The following TBC1D22A variants were observed in gnomAD, a reference collection of about 807,000 sequenced individuals.
The protein encoded by TBC1D22A is putative GTPase activator.
In TBC1D22A, 38 loss-of-function variants were observed where a neutral mutation model predicts 60.2. That is an observed-to-expected ratio of 0.63 (90% CI 0.49 to 0.83). The LOEUF (loss-of-function observed/expected upper bound fraction) is 0.83, where lower values mean the gene tolerates loss of function less well. Ranked by LOEUF, TBC1D22A falls within the 40% of genes least tolerant of loss-of-function variation. The pLI, the probability that TBC1D22A is intolerant of heterozygous loss-of-function variation, is 0.00. For missense variants in TBC1D22A, 628 were observed against 701.0 expected (o/e 0.90, Z 1.18); for synonymous variants, 302 against 281.7 (o/e 1.07, Z -0.72).
At chr22:47,064,469 G>A (rs1267169015) in intron 11 of TBC1D22A, among the ~76,000 whole-genome samples, 50 of 152,272 alleles carry the variant, frequency 3.3e-4, no homozygotes. Context: ...CCATTTACCT[G>A]ATGGTATTTT....
At chr22:47,101,885 C>G (rs551584449) in intron 11 of TBC1D22A, among the ~76,000 whole-genome samples, 63 of 152,310 alleles carry the variant, frequency 4.1e-4, no homozygotes, top group African/African-American at 1.5e-3. Context: ...TGCCCTTGCT[C>G]CAGTGACGTC....
chr22:46,819,542 T>C (rs546159708), intron 4 of TBC1D22A, among the ~76,000 whole-genome samples: 1 of 152,364 alleles, frequency 6.6e-6, no homozygotes, highest in Non-Finnish European at 1.5e-5. Context: ...ATTATGTTTA[T>C]TGATTTGCAT....
intron 7 of TBC1D22A, among the ~76,000 whole-genome samples, chr22:46,903,687 C>T (rs2069177241): frequency 6.6e-6 from 1 of 152,186 alleles, no homozygotes; most frequent in Non-Finnish European, 1.5e-5. Context: ...TAAGAAGCAG[C>T]ACACAGGAGT....
At chr22:46,938,454 G>C (rs2071787666) in intron 8 of TBC1D22A, among the ~76,000 whole-genome samples, 1 of 152,140 alleles carries the variant, frequency 6.6e-6, no homozygotes, top group Admixed American at 6.5e-5. Context: ...GCATTTCTCA[G>C]AATGTGTCCC....
intron 11 of TBC1D22A, among the ~76,000 whole-genome samples, chr22:47,076,361 G>GTGTATA (rs1392245000): frequency 4.9e-5 from 5 of 101,924 alleles, no homozygotes; most frequent in African/African-American, 7.2e-5. Flanking sequence ...ATATGTGTGT[G>GTGTATA]TATATATATA....
At chr22:47,033,414 A>C (rs1603089802) in intron 10 of TBC1D22A, among the ~76,000 whole-genome samples, 1 of 152,224 alleles carries the variant, frequency 6.6e-6, no homozygotes, top group Non-Finnish European at 1.5e-5. Flanking sequence ...GAATGTGTCC[A>C]TCTTCCGGTT....
chr22:47,099,512 C>T (rs990551356), intron 11 of TBC1D22A, among the ~76,000 whole-genome samples: 11 of 151,456 alleles, frequency 7.3e-5, no homozygotes, highest in African/African-American at 2.7e-4. Flanking sequence ...ATGGCGCGAT[C>T]TCAGCTCACT....
intron 8 of TBC1D22A, among the ~76,000 whole-genome samples, chr22:46,952,938 G>A (rs136079): frequency 0.42 from 64,492 of 151,944 alleles, 14,415 homozygotes; most frequent in African/African-American, 0.58. Flanking sequence ...GGGTGGTCTC[G>A]TCTTTGTCTT....
At chr22:46,877,584 C>T (rs2067626461) in intron 4 of TBC1D22A, among the ~76,000 whole-genome samples, 1 of 152,192 alleles carries the variant, frequency 6.6e-6, no homozygotes, top group African/African-American at 2.4e-5. Context: ...ATTGCTGCGA[C>T]TATCGCCCAA....
chr22:46,969,064 C>T (rs972159898), intron 8 of TBC1D22A, among the ~76,000 whole-genome samples: 4 of 152,020 alleles, frequency 2.6e-5, no homozygotes, highest in Non-Finnish European at 5.9e-5. Context: ...GCACCCCCCA[C>T]CCTAATCATT....
intron 10 of TBC1D22A, among the ~76,000 whole-genome samples, chr22:47,012,602 T>G (rs73890549): frequency 0.012 from 1,819 of 152,320 alleles, 32 homozygotes; most frequent in African/African-American, 0.041. Flanking sequence ...TTCCCGGCTC[T>G]TCCTGCATTC....
rs530853109 is a variant in TBC1D22A at position 47,033,130 on chromosome 22, G to A, written c.1202-3941G>A. ...TTAAGTGTTCAGACTTGAATTCCAC[G>A]TGTCAGTGCGCTGGGGGCAGCAGAG... On this transcript the variant is annotated intron_variant, in intron 10 of 12. Transcript: ENST00000337137. Among the ~76,000 whole-genome samples, 8 of 152,306 alleles carry A rather than the reference G, an allele frequency of 5.3e-5. No homozygotes were observed. The East Asian group carries it at 5.8e-4, about 11-fold the overall frequency.
intron 7 of TBC1D22A, among the ~76,000 whole-genome samples, chr22:46,904,770 G>GA (rs895993363): frequency 1.3e-5 from 2 of 149,574 alleles, no homozygotes; most frequent in Non-Finnish European, 3.0e-5. Context: ...ACCCGGCCGA[G>GA]AAAATTTTTT....
intron 9 of TBC1D22A, among the ~76,000 whole-genome samples, chr22:46,976,582 C>A (rs1258078375): frequency 1.3e-5 from 2 of 152,238 alleles, no homozygotes; most frequent in African/African-American, 4.8e-5. Flanking sequence ...CGTGTCAGCT[C>A]CCGGACGACC....
intron 4 of TBC1D22A, among the ~76,000 whole-genome samples, chr22:46,807,820 G>A (rs200475951): frequency 6.6e-6 from 1 of 152,078 alleles, no homozygotes; most frequent in East Asian, 1.9e-4. Context: ...ATTTTATACA[G>A]GGCCAGGTGA....
intron 10 of TBC1D22A, among the ~76,000 whole-genome samples, chr22:47,016,919 A>G (rs975939120): frequency 1.3e-5 from 2 of 151,964 alleles, no homozygotes; most frequent in African/African-American, 4.8e-5. Flanking sequence ...CGAGCCTCCC[A>G]CTGCTCTCAG....
At chr22:46,960,348 G>A (rs759101805) in intron 8 of TBC1D22A, among the ~76,000 whole-genome samples, 3 of 151,756 alleles carry the variant, frequency 2.0e-5, no homozygotes, top group Non-Finnish European at 1.5e-5. Context: ...TGCAACCTCC[G>A]ACTCCTGGGT....
chr22:46,930,400 G>A (rs770888513), intron 8 of TBC1D22A, among the ~76,000 whole-genome samples: 1 of 152,110 alleles, frequency 6.6e-6, no homozygotes, highest in Non-Finnish European at 1.5e-5. Flanking sequence ...AAGTCAGTAG[G>A]ACTTGGGAAC....
Position 47,028,633 on chromosome 22 carries a change from T to C in TBC1D22A, c.1202-8438T>C, listed in dbSNP as rs936499108. ...TCTGTCTCGCCTGCCTGTGCATACT[T>C]AGCTGTGTCTTGGGTCTGACCTGTC... On this transcript the variant is annotated intron_variant, in intron 10 of 12. Transcript: ENST00000337137. The surrounding 1 kb of genome is among the most constrained non-coding windows in gnomAD (Gnocchi z 4.4). 6.6e-6 allele frequency among the ~76,000 whole-genome samples: 1 copy of C among 152,196 alleles called. No individual in the cohort carries two copies. Among genetic ancestry groups the C allele is most frequent in the African/African-American group, 2.4e-5 (1 of 41,442 alleles).
Sources: allele counts gnomAD v4.1 joint callset (sites outside exome capture counted in the v4.1 genomes callset), GRCh38; gene constraint gnomAD v4.1.1; non-coding constraint Gnocchi (gnomAD v3.1); transcripts MANE v1.5; gene names NCBI Gene and HGNC (gene_info 2026-07-23, HGNC 2026-07-21).